The following TLN2 variants were observed in gnomAD, a reference collection of about 807,000 sequenced individuals.
TLN2 encodes talin-2.
In TLN2, 118 loss-of-function variants were observed where a neutral mutation model predicts 294.7. The ratio of observed to expected loss-of-function variants is 0.40; its 90% confidence interval spans 0.34 to 0.47. The LOEUF is 0.47. TLN2 is among the 20% of genes least tolerant of loss of function. The pLI, the probability that TLN2 is intolerant of heterozygous loss-of-function variation, is 0.84. For missense variants in TLN2, 3,083 were observed against 3,282.2 expected (o/e 0.94, Z 1.48); for synonymous variants, 1,431 against 1,304.5 (o/e 1.10, Z -2.09).
chr15:62,808,252 T>C (rs550581146), intron 51 of TLN2, among the ~76,000 whole-genome samples: 19 of 152,360 alleles, frequency 1.2e-4, no homozygotes, highest in African/African-American at 4.3e-4. Context: ...ATATTAGATA[T>C]AATTTTATGT....
At chr15:62,464,419 G>A (rs2036992290) in intron 1 of TLN2, among the ~76,000 whole-genome samples, 2 of 152,134 alleles carry the variant, frequency 1.3e-5, no homozygotes, top group Non-Finnish European at 2.9e-5. Flanking sequence ...ACTGGGGCCT[G>A]TTGTGGGATC....
chr15:62,698,111 A>G (rs888397074), intron 15 of TLN2, among the ~76,000 whole-genome samples: 4 of 152,108 alleles, frequency 2.6e-5, no homozygotes, highest in Admixed American at 2.0e-4. Flanking sequence ...CAGGGACAGA[A>G]CTCTGCTCCC....
chr15:62,805,220 T>G (rs1002282810), intron 50 of TLN2, among the ~76,000 whole-genome samples: 2 of 31,376 alleles, frequency 6.4e-5, no homozygotes, highest in African/African-American at 2.0e-4. Context: ...GCACTGGGAC[T>G]GAGAGTGTAT....
chr15:62,800,297 C>G, intron 48 of TLN2, 71 bp from the exon 49 acceptor site: 1 of 1,572,518 alleles, frequency 6.4e-7, no homozygotes, highest in Non-Finnish European at 8.6e-7. Flanking sequence ...TGCCCTCAGG[C>G]TGCATGCCTT....
At chr15:62,496,450 G>A (rs1349446612) in intron 1 of TLN2, among the ~76,000 whole-genome samples, 4 of 152,174 alleles carry the variant, frequency 2.6e-5, no homozygotes, top group Admixed American at 1.3e-4. Flanking sequence ...TGACTAGGAT[G>A]GGTGTCAGGA....
intron 1 of TLN2, among the ~76,000 whole-genome samples, chr15:62,546,139 T>C (rs1365918276): frequency 1.3e-5 from 2 of 152,132 alleles, no homozygotes; most frequent in African/African-American, 4.8e-5. Context: ...CCTGGCACAG[T>C]GTGGAGAGGG....
chr15:62,498,736 T>G (rs777998198), intron 1 of TLN2, among the ~76,000 whole-genome samples: 3 of 74,394 alleles, frequency 4.0e-5, no homozygotes, highest in South Asian at 5.0e-4. Context: ...CTTAGGAGGG[T>G]TTTTTTTTTC....
At chr15:62,830,097 G>A (rs1213992990) in intron 54 of TLN2, 1 of 152,198 alleles carries the variant, frequency 6.6e-6, no homozygotes, top group Admixed American at 6.5e-5. Flanking sequence ...CACAGGATTA[G>A]TCATAATCTT....
chr15:62,658,102 G>T, intron 9 of TLN2: 1 of 366,878 alleles, frequency 2.7e-6, no homozygotes. Context: ...TTGCTGAATA[G>T]AAATTCAGTG....
intron 9 of TLN2, among the ~76,000 whole-genome samples, chr15:62,660,983 T>C (rs2053754647): frequency 6.6e-6 from 1 of 152,178 alleles, no homozygotes; most frequent in Non-Finnish European, 1.5e-5. Flanking sequence ...ATGGATTGTT[T>C]CTAAAAAGGT....
intron 1 of TLN2, among the ~76,000 whole-genome samples, chr15:62,411,429 ATGTGTGTG>A (rs71125998): frequency 0.018 from 2,444 of 136,622 alleles, 33 homozygotes; most frequent in African/African-American, 0.04. Flanking sequence ...TGAGTAATGG[ATGTGTGTG>A]TGTGTGTGTG....
intron 55 of TLN2, 39 bp from the exon 56 acceptor site, chr15:62,835,698 G>A: frequency 6.2e-7 from 1 of 1,612,730 alleles, no homozygotes. Context: ...CACTGGGGCT[G>A]CCTGCCCTCA....
chr15:62,523,774 A>G (rs545831531), intron 1 of TLN2, among the ~76,000 whole-genome samples: 1 of 152,374 alleles, frequency 6.6e-6, no homozygotes, highest in Non-Finnish European at 1.5e-5. Flanking sequence ...ACACACCTCA[A>G]TAAATGTTAA....
chr15:62,554,134 C>A (rs996664375), intron 1 of TLN2, among the ~76,000 whole-genome samples: 1 of 151,790 alleles, frequency 6.6e-6, no homozygotes, highest in Non-Finnish European at 1.5e-5. Flanking sequence ...TAAATTATTA[C>A]AACAGTTGTT....
chr15:62,687,692 A>G (rs1019156282), intron 12 of TLN2: 2 of 152,196 alleles, frequency 1.3e-5, no homozygotes, highest in African/African-American at 2.4e-5. Flanking sequence ...TCTATGCAAG[A>G]TATCATAATA....
At chr15:62,485,237 G>A (rs2038325107) in intron 1 of TLN2, among the ~76,000 whole-genome samples, 3 of 152,306 alleles carry the variant, frequency 2.0e-5, no homozygotes, top group African/African-American at 7.2e-5. Flanking sequence ...CCTCTGCAAA[G>A]TCCATTTTGC....
chr15:62,621,291 G>A (rs2048804552), intron 3 of TLN2, among the ~76,000 whole-genome samples: 1 of 152,200 alleles, frequency 6.6e-6, no homozygotes, highest in African/African-American at 2.4e-5. Context: ...GGGTGATATT[G>A]TATGGCTGTG....
rs763696708 is a variant in TLN2 at position 62,737,066 on chromosome 15, C to T, written c.3547C>T (p.Arg1183Cys). Residue 1183 changes from arginine (R) to cysteine (C), a missense_variant, in exon 29 of 59, where the codon CGT becomes TGT. Coordinates refer to ENST00000636159, the MANE Select transcript of TLN2 (RefSeq NM_015059.3). ...QALIAPGDAE[R>C]QQRLAQVAKA... ...CCTGATTGCACCTGGAGATGCAGAGCGTCAACAAAGACTGGCTCAGGTGAG... is the reference window on the plus strand; with the variant it reads ...CCTGATTGCACCTGGAGATGCAGAGTGTCAACAAAGACTGGCTCAGGTGAG... 2.1e-5 allele frequency: 34 copies of T among 1,614,068 alleles called. No homozygotes were observed. The Admixed American group carries it at 3.5e-4, about 17-fold the overall frequency.
At chr15:62,796,757 C>A (rs2065511676) in intron 47 of TLN2, among the ~76,000 whole-genome samples, 1 of 152,220 alleles carries the variant, frequency 6.6e-6, no homozygotes, top group Non-Finnish European at 1.5e-5. Context: ...CTTTCTTCCC[C>A]TCTGCAATCC....
Sources: gnomAD v4.1 joint callset for allele counts (sites outside exome capture counted in the v4.1 genomes callset) on GRCh38, gnomAD v4.1.1 for gene constraint, MANE v1.5 for transcripts, NCBI Gene and HGNC (gene_info 2026-07-23, HGNC 2026-07-21) for gene names.